LRP2: variants seen among roughly 807,000 people sequenced by gnomAD.
LRP2 encodes the protein low-density lipoprotein receptor-related protein 2.
LRP2 carries 172 observed loss-of-function variants against 531.0 expected under a neutral mutation model. That is an observed-to-expected ratio of 0.32 (90% CI 0.29 to 0.37). LRP2 has a LOEUF of 0.37. Ranked by LOEUF, LRP2 falls within the 10% of genes least tolerant of loss-of-function variation. LRP2 has a pLI of 1.00. For synonymous variants in LRP2, 1,992 were observed against 2,027.6 expected, an observed-to-expected ratio of 0.98 and a Z score of 0.47; for missense variants, 5,167 against 5,868.3, an observed-to-expected ratio of 0.88 and a Z score of 3.90.
At chr2:169,230,098 C>A (rs558280826) in intron 31 of LRP2, among the ~76,000 whole-genome samples, 1 of 152,272 alleles carries the variant, frequency 6.6e-6, no homozygotes, top group East Asian at 1.9e-4. Context: ...ATTTGTGAAA[C>A]AACAAAAGGC....
chr2:169,334,605 G>A lies in LRP2; in HGVS notation c.80-13721C>T, dbSNP rs368501521. On this transcript the variant is annotated intron_variant, in intron 1 of 78. Coordinates refer to ENST00000649046, the MANE Select transcript of LRP2 (RefSeq NM_004525.3). ...GAAAAAGCAATCGCCAGAAAGCCAA[G>A]AGATGCATGGCTTTCAACTCTGGCA... 1.1e-4 allele frequency among the ~76,000 whole-genome samples: 16 copies of A among 152,290 alleles called. No individual in the cohort carries two copies. In the East Asian group the frequency reaches 1.5e-3, roughly 15 times the overall value.
At chr2:169,201,557 A>G (rs1688203454) in intron 44 of LRP2, 71 bp downstream of exon 44, 3 of 1,592,826 alleles carry the variant, frequency 1.9e-6, no homozygotes, top group African/African-American at 2.7e-5. Flanking sequence ...TTTTTTTTAT[A>G]TAATAATTTC....
chr2:169,230,399 T>A (rs1047338048), intron 31 of LRP2, among the ~76,000 whole-genome samples: 1 of 152,238 alleles, frequency 6.6e-6, no homozygotes, highest in Non-Finnish European at 1.5e-5. Flanking sequence ...TTGCACAATA[T>A]TACATGCTGA....
chr2:169,136,648 A>C (rs1201252050), intron 76 of LRP2, among the ~76,000 whole-genome samples: 6 of 57,462 alleles, frequency 1.0e-4, no homozygotes, highest in East Asian at 6.6e-4. Flanking sequence ...TGTGACCCCC[A>C]CTCTTGCCCA....
intron 3 of LRP2, among the ~76,000 whole-genome samples, chr2:169,312,902 C>A (rs931662970): frequency 4.6e-5 from 7 of 152,170 alleles, no homozygotes; most frequent in African/African-American, 1.7e-4. Flanking sequence ...TTGTTCATTT[C>A]TTTTTACTCT....
At chr2:169,289,198 G>T in intron 8 of LRP2, 53 bp from the exon 9 acceptor site, 1 of 1,608,722 alleles carries the variant, frequency 6.2e-7, no homozygotes, top group Non-Finnish European at 8.5e-7. Flanking sequence ...GGACAAGACT[G>T]ATTAATCTAA....
chr2:169,241,454 C>T (rs1021540826), intron 24 of LRP2, 89 bp from the exon 25 acceptor site: 9 of 1,433,938 alleles, frequency 6.3e-6, no homozygotes, highest in African/African-American at 2.8e-5. Context: ...ATTTTGGATC[C>T]AATAGTAGGT....
chr2:169,270,591 C>T (rs1447570984), intron 16 of LRP2, among the ~76,000 whole-genome samples: 47 of 129,470 alleles, frequency 3.6e-4, no homozygotes, highest in Admixed American at 1.8e-3. Context: ...GAACATCACA[C>T]GCCAGGGCCT....
At chr2:169,314,227 A>G (rs746008697) in intron 3 of LRP2, among the ~76,000 whole-genome samples, 1 of 145,398 alleles carries the variant, frequency 6.9e-6, no homozygotes, top group Non-Finnish European at 1.5e-5. Flanking sequence ...TGAGATCCTT[A>G]TATCTTAAAA....
chr2:169,200,818 T>C (rs1430815851), intron 44 of LRP2, among the ~76,000 whole-genome samples: 1 of 152,128 alleles, frequency 6.6e-6, no homozygotes, highest in Non-Finnish European at 1.5e-5. Context: ...CTTAAAGAAA[T>C]AATGGGTTTA....
At chr2:169,280,262 G>C in intron 11 of LRP2, 88 bp downstream of exon 11, 1 of 1,458,620 alleles carries the variant, frequency 6.9e-7, no homozygotes, top group South Asian at 1.2e-5. Flanking sequence ...GAAAACAAAG[G>C]AACTTTCCCC....
intron 1 of LRP2, among the ~76,000 whole-genome samples, chr2:169,326,172 C>CTCCCTT (rs1440039667): frequency 2.8e-5 from 1 of 36,186 alleles, no homozygotes; most frequent in Non-Finnish European, 5.4e-5. Flanking sequence ...CCCTCTCCCT[C>CTCCCTT]CCCCTCTCCC....
intron 67 of LRP2, 127 bp downstream of exon 67, chr2:169,152,672 C>T: frequency 1.9e-6 from 2 of 1,053,390 alleles, no homozygotes; most frequent in South Asian, 2.7e-5. Context: ...CCAACCACTG[C>T]CCAGCTGCAC....
chr2:169,306,673 A>G (rs1229886725), intron 4 of LRP2, among the ~76,000 whole-genome samples: 1 of 151,418 alleles, frequency 6.6e-6, no homozygotes, highest in Non-Finnish European at 1.5e-5. Flanking sequence ...AAGCCTCGAA[A>G]GAGGAAGATT....
chr2:169,196,581 G>C (rs1440956509), intron 46 of LRP2, among the ~76,000 whole-genome samples: 1 of 152,210 alleles, frequency 6.6e-6, no homozygotes, highest in Non-Finnish European at 1.5e-5. Flanking sequence ...TTCTGGGCCA[G>C]CACTCAACCA....
rs1304780795 is a variant in LRP2, at chr2:169,142,759, G to A, written c.13023C>T (p.Leu4341=). The change falls in exon 71 of 79, where the codon CTC becomes CTT. Residue 4341 remains leucine, a synonymous_variant. Transcript: ENST00000649046. Reference sequence around the variant, plus strand: ...TGTATCCTCCAGGTCTCAGAAGGCAGAGGTGGCTGCAGATCTGTTTGCAAA... The same window carrying A: ...TGTATCCTCCAGGTCTCAGAAGGCAAAGGTGGCTGCAGATCTGTTTGCAAA... ...PNLCKQICSH[L]CLLRPGGYSC... is the part of the protein sequence containing the mutation. 1 of 1,614,078 alleles carries A rather than the reference G, an allele frequency of 6.2e-7. No individual in the cohort carries two copies. Among genetic ancestry groups the A allele is most frequent in the Non-Finnish European group, 8.5e-7 (1 of 1,179,948 alleles).
chr2:169,158,837 C>A (rs1263656640), intron 63 of LRP2, among the ~76,000 whole-genome samples: 1 of 137,900 alleles, frequency 7.3e-6, no homozygotes. Flanking sequence ...TGTTATTGAA[C>A]TTTCACAGTA....
At chr2:169,175,508 G>T in intron 54 of LRP2, 119 bp from the exon 55 acceptor site, 1 of 867,520 alleles carries the variant, frequency 1.2e-6, no homozygotes. Flanking sequence ...CGTGGCCCTA[G>T]AAGAGGATCA....
intron 19 of LRP2, 120 bp downstream of exon 19, chr2:169,255,986 T>G: frequency 9.8e-7 from 1 of 1,024,634 alleles, no homozygotes; most frequent in Non-Finnish European, 1.5e-6. Flanking sequence ...CATTTTAAAT[T>G]TTTTCATTTT....
Sources: gnomAD v4.1 joint callset for allele counts (sites outside exome capture counted in the v4.1 genomes callset) on GRCh38, gnomAD v4.1.1 for gene constraint, MANE v1.5 for transcripts, NCBI Gene and HGNC (gene_info 2026-07-23, HGNC 2026-07-21) for gene names.